Variants in LRRC69 observed in about 807,000 individuals in gnomAD.
LRRC69 encodes the protein leucine-rich repeat-containing protein 69.
A neutral mutation model predicts 37.8 loss-of-function variants in LRRC69; 42 were observed. That is an observed-to-expected ratio of 1.11 (90% CI 0.87 to 1.44). The LOEUF (loss-of-function observed/expected upper bound fraction) is 1.44, where lower values mean the gene tolerates loss of function less well. Ranked by LOEUF, LRRC69 falls within the 40% of genes most tolerant of loss-of-function variation. LRRC69 has a pLI of 0.00. For synonymous variants in LRRC69, 141 were observed against 143.1 expected (o/e 0.99, Z 0.11); for missense variants, 357 against 401.9 (o/e 0.89, Z 0.96).
chr8:91,160,981 T>C (rs1808932064), intron 5 of LRRC69, among the ~76,000 whole-genome samples: 1 of 151,328 alleles, frequency 6.6e-6, no homozygotes, highest in African/African-American at 2.4e-5. Context: ...AATACCTAAT[T>C]TGTTGAGAGT....
chr8:91,197,812 C>G (rs978675688), intron 6 of LRRC69, among the ~76,000 whole-genome samples: 1 of 151,678 alleles, frequency 6.6e-6, no homozygotes, highest in Non-Finnish European at 1.5e-5. Context: ...TTCTGTGTCG[C>G]TCACGGTGGG....
chr8:91,125,292 C>A (rs1267893790), intron 2 of LRRC69, among the ~76,000 whole-genome samples: 1 of 151,644 alleles, frequency 6.6e-6, no homozygotes, highest in Non-Finnish European at 1.5e-5. Context: ...TTATAAATTT[C>A]TATGAACTTT....
At chr8:91,135,117 T>C (rs747833597) in intron 4 of LRRC69, among the ~76,000 whole-genome samples, 7 of 151,950 alleles carry the variant, frequency 4.6e-5, no homozygotes, top group East Asian at 3.9e-4. Context: ...AAGGAACACA[T>C]TGGAGTCTGA....
chr8:91,129,620 G>T (rs756370553), intron 3 of LRRC69, among the ~76,000 whole-genome samples: 7 of 151,742 alleles, frequency 4.6e-5, no homozygotes, highest in Non-Finnish European at 7.4e-5. Flanking sequence ...TTCCCCACAG[G>T]ACCTGCTCCA....
chr8:91,156,401 C>G (rs1413027528), intron 5 of LRRC69, among the ~76,000 whole-genome samples: 2 of 150,848 alleles, frequency 1.3e-5, no homozygotes, highest in Non-Finnish European at 3.0e-5. Context: ...AGATCCTTCA[C>G]CAATTTTTAA....
intron 5 of LRRC69, among the ~76,000 whole-genome samples, chr8:91,159,314 T>C (rs79575398): frequency 6.6e-6 from 1 of 151,220 alleles, no homozygotes; most frequent in African/African-American, 2.4e-5. Flanking sequence ...AGAGTTGAGA[T>C]ACAATTCTAT....
intron 4 of LRRC69, among the ~76,000 whole-genome samples, chr8:91,135,181 A>G (rs1353553409): frequency 3.3e-5 from 5 of 152,064 alleles, no homozygotes; most frequent in African/African-American, 4.8e-5. Context: ...ATGGAAGACT[A>G]TGTAGGACTT....
intron 7 of LRRC69, among the ~76,000 whole-genome samples, 158 bp from the exon 8 acceptor site, chr8:91,218,732 G>T (rs1256950170): frequency 6.6e-6 from 1 of 152,108 alleles, no homozygotes; most frequent in East Asian, 1.9e-4. Context: ...AGTTAAGTTT[G>T]TGTTTTTATG....
At chr8:91,199,063 C>T (rs544743958) in intron 6 of LRRC69, among the ~76,000 whole-genome samples, 62 of 152,094 alleles carry the variant, frequency 4.1e-4, no homozygotes, top group Non-Finnish European at 6.2e-4. Flanking sequence ...TTTTAGGTCC[C>T]TGGTATTTCA....
intron 2 of LRRC69, among the ~76,000 whole-genome samples, chr8:91,126,293 T>C (rs1295281571): frequency 6.6e-6 from 1 of 151,968 alleles, no homozygotes; most frequent in African/African-American, 2.4e-5. Flanking sequence ...GTTTAATTGG[T>C]TTGAGATAAT....
At chr8:91,102,950 C>T (rs975792776) in intron 1 of LRRC69, 106 bp downstream of exon 1, 2 of 1,082,558 alleles carry the variant, frequency 1.8e-6, no homozygotes, top group Non-Finnish European at 2.6e-6. Flanking sequence ...TCTATGGAGA[C>T]TTAGGTATCT....
At chr8:91,200,534 T>C in intron 6 of LRRC69, 79 bp from the exon 7 acceptor site, 1 of 901,020 alleles carries the variant, frequency 1.1e-6, no homozygotes, top group African/African-American at 1.8e-5. Flanking sequence ...ATACACTTTA[T>C]CTAATGAAAT....
intron 7 of LRRC69, among the ~76,000 whole-genome samples, chr8:91,201,044 T>G (rs1275643731): frequency 6.6e-6 from 1 of 152,202 alleles, no homozygotes; most frequent in African/African-American, 2.4e-5. Flanking sequence ...TTGAAAGTTT[T>G]TAATCAGTAA....
At chr8:91,186,245 A>G (rs1303160103) in intron 5 of LRRC69, among the ~76,000 whole-genome samples, 1 of 152,212 alleles carries the variant, frequency 6.6e-6, no homozygotes, top group Non-Finnish European at 1.5e-5. Flanking sequence ...CATAGTGTTT[A>G]AAGAGACCAA....
intron 1 of LRRC69, among the ~76,000 whole-genome samples, chr8:91,108,747 T>C (rs1261903005): frequency 6.6e-6 from 1 of 152,064 alleles, no homozygotes; most frequent in Non-Finnish European, 1.5e-5. Context: ...TATTTATTTT[T>C]AAGCTCATCA....
intron 1 of LRRC69, among the ~76,000 whole-genome samples, chr8:91,111,572 C>T (rs1813410860): frequency 3.3e-5 from 5 of 151,922 alleles, no homozygotes; most frequent in Admixed American, 3.3e-4. Flanking sequence ...AGATTATGTC[C>T]TTTCCAGGGA....
intron 5 of LRRC69, among the ~76,000 whole-genome samples, chr8:91,143,225 C>A (rs1296540338): frequency 1.3e-5 from 2 of 152,032 alleles, no homozygotes; most frequent in Admixed American, 6.6e-5. Flanking sequence ...AAGGCCAAAT[C>A]TTTACCATGT....
chr8:91,158,561 C>A, intron 5 of LRRC69: 1 of 1,215,522 alleles, frequency 8.2e-7, no homozygotes, highest in Non-Finnish European at 1.2e-6. Context: ...ACGGCCATAG[C>A]TTCTAATACA....
chr8:91,157,821 A>T lies in LRRC69; in HGVS notation c.651+22082A>T. ...GAATGGGATTATTCCCCACAAAGGG[A>T]GTGGGAAAAGGAGCTGCATCATTTA... On this transcript the variant is annotated intron_variant, in intron 5 of 7. Coordinates refer to ENST00000448384, the Ensembl canonical transcript of LRRC69. 2.5e-6 allele frequency: 4 copies of T among 1,607,002 alleles called. No individual in the cohort carries two copies. In the South Asian group the frequency reaches 3.3e-5, roughly 13 times the overall value.
Sources: gnomAD v4.1 joint callset for allele counts (sites outside exome capture counted in the v4.1 genomes callset) on GRCh38, gnomAD v4.1.1 for gene constraint, MANE v1.5 for transcripts, NCBI Gene and HGNC (gene_info 2026-07-23, HGNC 2026-07-21) for gene names.